Variants in SLC2A9 observed in about 807,000 individuals in gnomAD.
The protein encoded by SLC2A9 is solute carrier family 2 member 9.
SLC2A9 carries 39 observed loss-of-function variants against 50.6 expected under a neutral mutation model. That is an observed-to-expected ratio of 0.77 (90% CI 0.60 to 1.01). The LOEUF is 1.01. Ranked by LOEUF, SLC2A9 falls within the 50% of genes least tolerant of loss-of-function variation. The probability of loss-of-function intolerance (pLI) is 0.00; values close to 1 mark genes in which losing one functional copy is unlikely to be tolerated. For missense variants in SLC2A9, 686 were observed against 677.6 expected, an observed-to-expected ratio of 1.01 and a Z score of -0.14; for synonymous variants, 324 against 276.9, an observed-to-expected ratio of 1.17 and a Z score of -1.69.
At chr4:9,783,504 C>T (rs1718809017) in intron 3 of SLC2A9, 14 of 1,541,010 alleles carry the variant, frequency 9.1e-6, no homozygotes, top group South Asian at 3.8e-5. Flanking sequence ...CATAACCGCA[C>T]AGACATTGAC....
downstream of SLC2A9, among the ~76,000 whole-genome samples, chr4:9,777,716 A>G (rs1359813859): frequency 6.6e-6 from 1 of 152,156 alleles, no homozygotes; most frequent in Non-Finnish European, 1.5e-5. Context: ...ACAAGACACA[A>G]TTTCTTGATT....
At chr4:9,908,208 C>A (rs1560281922) in intron 8 of SLC2A9, 27 bp downstream of exon 8, 1 of 1,516,332 alleles carries the variant, frequency 6.6e-7, no homozygotes, top group Admixed American at 1.7e-5. Context: ...CTGTGGCATT[C>A]TCAGGAGTAA....
downstream of SLC2A9, among the ~76,000 whole-genome samples, chr4:9,823,088 TG>T (rs1724629592): frequency 6.6e-6 from 1 of 152,130 alleles, no homozygotes; most frequent in Admixed American, 6.5e-5. Flanking sequence ...TTATGATCAG[TG>T]GGAGAAATAG....
chr4:9,973,537 A>T (rs1754263649), intron 5 of SLC2A9, among the ~76,000 whole-genome samples: 1 of 152,074 alleles, frequency 6.6e-6, no homozygotes, highest in Admixed American at 6.5e-5. Flanking sequence ...AGCCATGAAA[A>T]ATGAAGAGTT....
downstream of SLC2A9, among the ~76,000 whole-genome samples, chr4:9,794,140 C>A (rs1315855894): frequency 6.6e-6 from 1 of 151,184 alleles, no homozygotes; most frequent in African/African-American, 2.4e-5. Flanking sequence ...AGAGCGATCT[C>A]ATTAATTCCT....
At position 9,826,606 on chromosome 4, in the gene SLC2A9, G is replaced by A. The variant is rs371746690; in HGVS notation, c.1420-6C>T. On this transcript the variant is annotated splice_polypyrimidine_tract_variant and splice_region_variant and intron_variant, in intron 11 of 11. Transcript: ENST00000264784. ...CAGTAGGTGTCCAGACTTTTCTGTG[G>A]AAAGGCAGAGACAAAAACCCTCAAA... The A allele has an allele frequency of 2.5e-4, 405 of 1,613,454 alleles. 2 individuals carry two copies. The highest frequency in any genetic ancestry group is 3.3e-4 in the Non-Finnish European group (392 of 1,179,670).
chr4:9,856,791 G>T (rs912305760), intron 10 of SLC2A9, among the ~76,000 whole-genome samples: 12 of 152,142 alleles, frequency 7.9e-5, no homozygotes, highest in African/African-American at 2.9e-4. Context: ...CCATAAAAAA[G>T]AAAAAGATCA....
At chr4:9,968,548 G>T (rs1286153962) in intron 5 of SLC2A9, among the ~76,000 whole-genome samples, 1 of 152,062 alleles carries the variant, frequency 6.6e-6, no homozygotes, top group African/African-American at 2.4e-5. Context: ...TTTTCTTCAT[G>T]TGTCTACATT....
At chr4:9,934,754 G>A (rs568723448) in intron 6 of SLC2A9, among the ~76,000 whole-genome samples, 2 of 152,196 alleles carry the variant, frequency 1.3e-5, no homozygotes, top group East Asian at 1.9e-4. Context: ...TCAACCTGTC[G>A]TCTAGGTTTT....
chr4:9,786,711 T>C (rs1284565143), intron 3 of SLC2A9, among the ~76,000 whole-genome samples: 1 of 152,212 alleles, frequency 6.6e-6, no homozygotes. Context: ...ACAAGGTTGT[T>C]TGTCCAAGGT....
chr4:9,826,803 A>C (rs1725213554), intron 11 of SLC2A9, among the ~76,000 whole-genome samples: 1 of 152,156 alleles, frequency 6.6e-6, no homozygotes, highest in Admixed American at 6.5e-5. Context: ...TCAGCTTCAA[A>C]CTCTGGGAAA....
intron 10 of SLC2A9, among the ~76,000 whole-genome samples, chr4:9,863,506 G>T (rs958868512): frequency 1.3e-5 from 2 of 152,056 alleles, no homozygotes; most frequent in Non-Finnish European, 2.9e-5. Context: ...GACTGTGAAT[G>T]ATCAGCATAT....
chr4:9,813,346 T>G (rs946077412), intron 3 of SLC2A9, among the ~76,000 whole-genome samples: 39 of 152,228 alleles, frequency 2.6e-4, no homozygotes, highest in African/African-American at 9.2e-4. Flanking sequence ...ATATTCCATT[T>G]ACTTGTTCAC....
intron 3 of SLC2A9, among the ~76,000 whole-genome samples, chr4:9,992,904 T>C (rs921966880): frequency 6.6e-6 from 1 of 152,222 alleles, no homozygotes; most frequent in African/African-American, 2.4e-5. Context: ...GGTGGGTTTG[T>C]TTATCTGCAC....
intron 1 of SLC2A9, among the ~76,000 whole-genome samples, chr4:10,037,245 C>T (rs769747232): frequency 1.1e-4 from 16 of 152,150 alleles, no homozygotes; most frequent in Non-Finnish European, 2.2e-4. Flanking sequence ...AGACCTCAGC[C>T]CCTGGCCACC....
At chr4:9,949,967 G>A (rs11735831) in intron 5 of SLC2A9, among the ~76,000 whole-genome samples, 43,514 of 151,900 alleles carry the variant, frequency 0.29, 7,061 homozygotes, top group African/African-American at 0.43. Context: ...TGACCTTACC[G>A]TCCCTCCCAA....
At chr4:9,841,490 C>T (rs1429446071) in intron 10 of SLC2A9, among the ~76,000 whole-genome samples, 1 of 152,194 alleles carries the variant, frequency 6.6e-6, no homozygotes, top group African/African-American at 2.4e-5. Flanking sequence ...CAGATTGCCA[C>T]CTGCTGTGAT....
At chr4:9,971,685 C>CA (rs1362108347) in intron 5 of SLC2A9, among the ~76,000 whole-genome samples, 1 of 151,874 alleles carries the variant, frequency 6.6e-6, no homozygotes, top group Non-Finnish European at 1.5e-5. Context: ...AAATCTTGAT[C>CA]AAAAAAGGAA....
chr4:9,815,367 T>G (rs1265508104), intron 3 of SLC2A9, among the ~76,000 whole-genome samples: 1 of 152,210 alleles, frequency 6.6e-6, no homozygotes, highest in African/African-American at 2.4e-5. Flanking sequence ...TGTCATAACC[T>G]GCATGGATTG....
Sources: gnomAD v4.1 joint callset for allele counts (sites outside exome capture counted in the v4.1 genomes callset) on GRCh38, gnomAD v4.1.1 for gene constraint, MANE v1.5 for transcripts, NCBI Gene and HGNC (gene_info 2026-07-23, HGNC 2026-07-21) for gene names.